Variants in DNMBP observed in about 807,000 individuals in gnomAD.
DNMBP encodes dynamin binding protein, also known as dynamin-binding protein.
In DNMBP, 87 loss-of-function variants were observed where a neutral mutation model predicts 150.0. The observed-to-expected ratio is 0.58, with a 90% confidence interval of 0.49 to 0.69. The LOEUF (loss-of-function observed/expected upper bound fraction) is 0.69, where lower values mean the gene tolerates loss of function less well. DNMBP is among the 30% of genes least tolerant of loss of function. The pLI is 0.00. For missense variants in DNMBP, 1,774 were observed against 1,949.0 expected (o/e 0.91, Z 1.69); for synonymous variants, 711 against 750.4 (o/e 0.95, Z 0.86).
chr10:99,894,573 CTTG>C, intron 11 of DNMBP, among the ~76,000 whole-genome samples: 1 of 152,296 alleles, frequency 6.6e-6, no homozygotes, highest in South Asian at 2.1e-4. Context: ...GTATTCACTG[CTTG>C]TTCTTTCTCG....
At chr10:99,975,565 C>T (rs953131174) in intron 1 of DNMBP, among the ~76,000 whole-genome samples, 10 of 151,968 alleles carry the variant, frequency 6.6e-5, no homozygotes, top group African/African-American at 9.7e-5. Context: ...TATAATAAGA[C>T]GACTTGAGTC....
In DNMBP at chr10:99,888,888, G is replaced by A. The variant is rs1309700741; in HGVS notation, c.3222C>T (p.His1074=). ...SMWDVCMERG[H]RDLEQFERVH... ...CCCTCTCAAACTGCTCCAGGTCCCG[G>A]TGTCCTCTCTCCATGCACACATCCC... Residue 1074 remains histidine, a synonymous_variant, in exon 12 of 17, where the codon CAC becomes CAT. Coordinates refer to ENST00000324109, the MANE Select transcript of DNMBP (RefSeq NM_015221.4). 1.9e-6 allele frequency: 3 copies of A among 1,614,016 alleles called. No homozygotes were observed. The highest frequency in any genetic ancestry group is 2.5e-6 in the Non-Finnish European group (3 of 1,180,044).
chr10:99,882,925 G>C (rs1054021589), intron 15 of DNMBP, among the ~76,000 whole-genome samples: 2 of 152,134 alleles, frequency 1.3e-5, no homozygotes, highest in African/African-American at 4.8e-5. Context: ...CAGTTAGCCA[G>C]GTGTGGTGGT....
chr10:99,945,562 G>T (rs2040347491), intron 4 of DNMBP, among the ~76,000 whole-genome samples: 1 of 152,164 alleles, frequency 6.6e-6, no homozygotes, highest in African/African-American at 2.4e-5. Context: ...TCTTATAAGG[G>T]TAGTCTAAGA....
intron 12 of DNMBP, 57 bp downstream of exon 12, chr10:99,888,768 G>A: frequency 1.9e-6 from 3 of 1,606,010 alleles, no homozygotes; most frequent in Non-Finnish European, 2.6e-6. Flanking sequence ...TGCATGAGCT[G>A]ATGTATTTGA....
intron 1 of DNMBP, among the ~76,000 whole-genome samples, chr10:99,991,251 G>A (rs181612719): frequency 1.7e-3 from 263 of 152,026 alleles, no homozygotes; most frequent in African/African-American, 6.1e-3. Flanking sequence ...GCTGATGTTT[G>A]TATTTTTAGT....
chr10:99,877,575 C>T (rs1341544804), intron 16 of DNMBP, among the ~76,000 whole-genome samples: 1 of 152,008 alleles, frequency 6.6e-6, no homozygotes, highest in Non-Finnish European at 1.5e-5. Context: ...AAAGAAAACA[C>T]CAATTTGGCC....
chr10:99,981,171 A>C (rs966225004), intron 1 of DNMBP, among the ~76,000 whole-genome samples: 7 of 152,136 alleles, frequency 4.6e-5, no homozygotes, highest in Non-Finnish European at 7.4e-5. Context: ...GAAGGCCTGG[A>C]GGACTCAGTA....
chr10:99,991,235 T>C (rs1235328900), intron 1 of DNMBP, among the ~76,000 whole-genome samples: 4 of 151,932 alleles, frequency 2.6e-5, no homozygotes, highest in Non-Finnish European at 5.9e-5. Flanking sequence ...CGTGCCACCA[T>C]GCCCGGCTGA....
chr10:99,906,806 C>A (rs2039831975), intron 6 of DNMBP, among the ~76,000 whole-genome samples: 1 of 152,222 alleles, frequency 6.6e-6, no homozygotes, highest in South Asian at 2.1e-4. Context: ...CCAGCGGAGC[C>A]ACCTCCAGAC....
chr10:99,993,794 C>T (rs12246987), intron 1 of DNMBP, among the ~76,000 whole-genome samples: 6,726 of 152,078 alleles, frequency 0.044, 165 homozygotes, highest in South Asian at 0.087. Flanking sequence ...CAAAGCAAGA[C>T]CCTGTCTTTA....
At chr10:99,947,713 G>C (rs1462794241) in intron 4 of DNMBP, among the ~76,000 whole-genome samples, 1 of 152,098 alleles carries the variant, frequency 6.6e-6, no homozygotes, top group Non-Finnish European at 1.5e-5. Flanking sequence ...TGTACTCCCT[G>C]AATCTAACAT....
At chr10:99,997,356 G>C (rs925590344) in intron 1 of DNMBP, among the ~76,000 whole-genome samples, 2 of 152,164 alleles carry the variant, frequency 1.3e-5, no homozygotes, top group Non-Finnish European at 2.9e-5. Flanking sequence ...TTTTCAACTA[G>C]AGATGGCCTG....
intron 6 of DNMBP, among the ~76,000 whole-genome samples, chr10:99,902,229 A>G (rs980365178): frequency 2.0e-5 from 3 of 148,910 alleles, no homozygotes; most frequent in South Asian, 4.3e-4. Context: ...TTAATGTATA[A>G]CTCCTTTCTG....
In DNMBP at chr10:99,908,081, T is replaced by G; in HGVS notation, c.2468A>C (p.Asp823Ala). 6.2e-7 allele frequency: 1 copy of G among 1,613,004 alleles called. No homozygotes were observed. Among genetic ancestry groups the G allele is most frequent in the Non-Finnish European group, 8.5e-7 (1 of 1,179,142 alleles). The change falls in exon 6 of 17, where the codon GAT becomes GCT. Residue 823 changes from aspartate to alanine, a missense_variant. Physicochemically the swap from Asp to Ala is moderately radical, Grantham distance 126. Around this residue, in one of 2 missense-constraint regions of DNMBP, gnomAD observed 1,430 missense variants for 1,492.5 expected, o/e 0.96. Transcript: ENST00000324109. ...PMQQAQVPNI[D>A]FEGLFGNMQM... ...CATATTTCCAAAAAGTCCCTCAAAA[T>G]CAATGTTTGGTACCTGAGAAAAGGA...
intron 4 of DNMBP, among the ~76,000 whole-genome samples, chr10:99,933,685 T>G (rs1415667680): frequency 1.3e-5 from 2 of 152,222 alleles, no homozygotes; most frequent in Non-Finnish European, 2.9e-5. Flanking sequence ...CTCTGTGTTC[T>G]CGATGGATGG....
At chr10:99,950,891 C>T (rs1020851353) in intron 4 of DNMBP, among the ~76,000 whole-genome samples, 2 of 152,148 alleles carry the variant, frequency 1.3e-5, no homozygotes, top group Non-Finnish European at 2.9e-5. Context: ...CAGAAATTTG[C>T]GTAAGTAATG....
intron 1 of DNMBP, among the ~76,000 whole-genome samples, chr10:100,008,824 G>A (rs141700756): frequency 6.6e-6 from 1 of 152,202 alleles, no homozygotes; most frequent in Non-Finnish European, 1.5e-5. Context: ...AATGATCCCC[G>A]AATGCTGTCA....
chr10:99,939,219 A>G (rs913715851), intron 4 of DNMBP, among the ~76,000 whole-genome samples: 3 of 151,834 alleles, frequency 2.0e-5, no homozygotes, highest in South Asian at 2.1e-4. Context: ...ACAACTCCTC[A>G]CTCTCTAGGA....
Sources: gnomAD v4.1 joint callset for allele counts (sites outside exome capture counted in the v4.1 genomes callset) on GRCh38, gnomAD v4.1.1 for gene constraint, gnomAD v4.1.1 regional missense constraint, MANE v1.5 for transcripts, NCBI Gene and HGNC (gene_info 2026-07-23, HGNC 2026-07-21) for gene names.